Variants in AGBL4 observed in about 807,000 individuals in gnomAD.
AGBL4 encodes cytosolic carboxypeptidase 6.
AGBL4 carries 58 observed loss-of-function variants against 66.4 expected under a neutral mutation model. The ratio of observed to expected loss-of-function variants is 0.87; its 90% CI spans 0.71 to 1.09. The LOEUF is 1.09. Among genes scored for constraint, AGBL4 ranks in the 50% least tolerant of loss-of-function variants. The pLI is 0.00. For synonymous variants in AGBL4, 234 were observed against 222.9 expected (o/e 1.05, Z -0.44); for missense variants, 579 against 631.0 (o/e 0.92, Z 0.88).
intron 9 of AGBL4, among the ~76,000 whole-genome samples, chr1:48,623,098 G>A (rs1315317452): frequency 6.6e-6 from 1 of 152,180 alleles, no homozygotes; most frequent in Non-Finnish European, 1.5e-5. Flanking sequence ...GAAAACCACT[G>A]CTCTAATCTA....
At chr1:48,964,083 C>T (rs769633419) in intron 5 of AGBL4, among the ~76,000 whole-genome samples, 6 of 152,134 alleles carry the variant, frequency 3.9e-5, no homozygotes, top group Admixed American at 1.3e-4. Flanking sequence ...AGACACAGGT[C>T]CTGTGATGGA....
chr1:49,341,791 G>A (rs1645543957), intron 3 of AGBL4, among the ~76,000 whole-genome samples: 1 of 152,150 alleles, frequency 6.6e-6, no homozygotes, highest in Admixed American at 6.5e-5. Context: ...CTGAACTTCG[G>A]ATTCAGCGTT....
intron 6 of AGBL4, among the ~76,000 whole-genome samples, chr1:48,709,092 G>A (rs1481552854): frequency 6.6e-6 from 1 of 152,192 alleles, no homozygotes; most frequent in Non-Finnish European, 1.5e-5. Context: ...CTAAAAGGAA[G>A]GGCTCTTACT....
At chr1:48,867,774 C>T (rs1341635001) in intron 5 of AGBL4, among the ~76,000 whole-genome samples, 1 of 152,148 alleles carries the variant, frequency 6.6e-6, no homozygotes, top group South Asian at 2.1e-4. Flanking sequence ...TAGTGATGAC[C>T]AACCATTCCT....
At chr1:48,776,526 C>T in intron 6 of AGBL4, 1 of 1,083,792 alleles carries the variant, frequency 9.2e-7, no homozygotes, top group Non-Finnish European at 1.2e-6. Flanking sequence ...CCCCCGGTCC[C>T]CTCCGCCCGG....
intron 4 of AGBL4, among the ~76,000 whole-genome samples, chr1:49,119,548 C>G (rs2148040504): frequency 6.6e-6 from 1 of 152,278 alleles, no homozygotes; most frequent in African/African-American, 2.4e-5. Flanking sequence ...TTTGATTGCA[C>G]TGTGGTCTGA....
At chr1:49,810,447 T>C (rs1019847189) in intron 2 of AGBL4, among the ~76,000 whole-genome samples, 7 of 152,198 alleles carry the variant, frequency 4.6e-5, no homozygotes, top group African/African-American at 1.7e-4. Context: ...CATCTAATTA[T>C]AAATTTCAGG....
intron 2 of AGBL4, among the ~76,000 whole-genome samples, chr1:49,813,085 G>C (rs1645140041): frequency 1.3e-5 from 2 of 152,088 alleles, no homozygotes; most frequent in South Asian, 4.1e-4. Flanking sequence ...CGGGTTGAAG[G>C]AAAGCCCAAT....
At chr1:48,650,140 C>T (rs1260952839) in intron 8 of AGBL4, among the ~76,000 whole-genome samples, 3 of 152,320 alleles carry the variant, frequency 2.0e-5, no homozygotes, top group Non-Finnish European at 2.9e-5. Context: ...GGTTCTCCTC[C>T]CAGGGTCTGG....
intron 6 of AGBL4, among the ~76,000 whole-genome samples, chr1:48,722,802 T>A (rs1405946261): frequency 1.3e-5 from 2 of 152,206 alleles, no homozygotes; most frequent in East Asian, 3.8e-4. Flanking sequence ...AAACTCTTCC[T>A]GGAGCACCAT....
chr1:48,625,168 T>C (rs772228076), intron 9 of AGBL4, among the ~76,000 whole-genome samples: 1 of 151,550 alleles, frequency 6.6e-6, no homozygotes, highest in Non-Finnish European at 1.5e-5. Flanking sequence ...ACTCTCTCTT[T>C]CTTTCTTTTT....
chr1:49,611,330 A>AACACGGTG (rs1273540839), intron 3 of AGBL4, among the ~76,000 whole-genome samples: 5 of 151,962 alleles, frequency 3.3e-5, no homozygotes, highest in Non-Finnish European at 7.4e-5. Context: ...AAATATCTAA[A>AACACGGTG]ACACGGTGAA....
intron 3 of AGBL4, among the ~76,000 whole-genome samples, chr1:49,549,820 A>G (rs1652811321): frequency 1.3e-5 from 2 of 152,104 alleles, no homozygotes; most frequent in Non-Finnish European, 2.9e-5. Flanking sequence ...TATAGTTTAA[A>G]TCCATTGTTT....
chr1:49,468,127 C>A (rs1449537333), intron 3 of AGBL4, among the ~76,000 whole-genome samples: 1 of 151,854 alleles, frequency 6.6e-6, no homozygotes, highest in Non-Finnish European at 1.5e-5. Context: ...CATGGGTCCA[C>A]TTATACACAG....
chr1:49,393,554 C>G (rs1346300108), intron 3 of AGBL4, among the ~76,000 whole-genome samples: 1 of 152,094 alleles, frequency 6.6e-6, no homozygotes, highest in Non-Finnish European at 1.5e-5. Flanking sequence ...CCCAACCATA[C>G]TATTTAGAAA....
At chr1:48,980,813 AC>A (rs1196099302) in intron 5 of AGBL4, among the ~76,000 whole-genome samples, 2 of 143,416 alleles carry the variant, frequency 1.4e-5, no homozygotes, top group Non-Finnish European at 3.0e-5. Context: ...ACCTGCTTCA[AC>A]TAACCACTCT....
intron 6 of AGBL4, among the ~76,000 whole-genome samples, chr1:48,717,442 A>G (rs1024408555): frequency 1.3e-5 from 2 of 152,196 alleles, no homozygotes; most frequent in South Asian, 4.1e-4. Flanking sequence ...AGATTTATTT[A>G]TGCTGATACA....
chr1:49,193,344 T>G (rs1647159347), intron 4 of AGBL4, among the ~76,000 whole-genome samples: 2 of 152,016 alleles, frequency 1.3e-5, no homozygotes, highest in Non-Finnish European at 2.9e-5. Context: ...TGCTATAAAC[T>G]TCCATCTTAT....
At chr1:48,556,927 C>T (rs1644329652) in intron 11 of AGBL4, among the ~76,000 whole-genome samples, 2 of 152,096 alleles carry the variant, frequency 1.3e-5, no homozygotes, top group Admixed American at 1.3e-4. Flanking sequence ...GTAGCCAGGA[C>T]TACAGGGGCA....
Sources: gnomAD v4.1 joint callset for allele counts (sites outside exome capture counted in the v4.1 genomes callset) on GRCh38, gnomAD v4.1.1 for gene constraint, MANE v1.5 for transcripts, NCBI Gene and HGNC (gene_info 2026-07-23, HGNC 2026-07-21) for gene names.